The following RBFOX1 variants were observed in gnomAD, a reference collection of about 807,000 sequenced individuals.
The protein encoded by RBFOX1 is RNA binding protein fox-1 homolog 1.
RBFOX1 carries 8 observed loss-of-function variants against 57.7 expected under a neutral mutation model. That is an observed-to-expected ratio of 0.14 (90% CI 0.08 to 0.25). The LOEUF (loss-of-function observed/expected upper bound fraction) is 0.25. Among genes scored for constraint, RBFOX1 ranks in the 10% least tolerant of loss-of-function variants. The pLI is 1.00. For synonymous variants in RBFOX1, 326 were observed against 222.4 expected, an observed-to-expected ratio of 1.47 and a Z score of -4.15; for missense variants, 611 against 548.5, an observed-to-expected ratio of 1.11 and a Z score of -1.14.
chr16:5,459,920 G>A (rs558759721), intron 1 of RBFOX1, among the ~76,000 whole-genome samples: 9 of 151,990 alleles, frequency 5.9e-5, no homozygotes, highest in African/African-American at 1.9e-4. Flanking sequence ...CTGCCTCTCC[G>A]TGTCGCCACT....
chr16:5,925,804 C>G (rs984980997), intron 4 of RBFOX1, among the ~76,000 whole-genome samples: 3 of 152,192 alleles, frequency 2.0e-5, no homozygotes, highest in Non-Finnish European at 2.9e-5. Flanking sequence ...GAGGAGCTTT[C>G]TCTGCTCACA....
chr16:6,078,106 G>A lies in RBFOX1; in HGVS notation c.-127+58114G>A, dbSNP rs540040587. On this transcript the variant is annotated intron_variant, in intron 1 of 15. Coordinates refer to ENST00000550418, the MANE Select transcript of RBFOX1 (RefSeq NM_018723.4). ...TAATCTTTAGATTTCTCATCTTTCC[G>A]GGGAGGTTAAGAGTTGCTGTGTCCT... is the stretch of plus-strand genomic sequence containing the variant. 6.6e-5 allele frequency among the ~76,000 whole-genome samples: 10 copies of A among 152,208 alleles called. 1 individual carries two copies. The South Asian group carries it at 1.2e-3, about 19-fold the overall frequency.
intron 1 of RBFOX1, among the ~76,000 whole-genome samples, chr16:6,110,195 CTTTTT>C (rs3049169): frequency 7.8e-6 from 1 of 128,264 alleles, no homozygotes; most frequent in Non-Finnish European, 1.6e-5. Flanking sequence ...TTTTCTTCTT[CTTTTT>C]TTTTTTTTTT....
At chr16:7,206,243 C>G (rs1293225418) in intron 4 of RBFOX1, among the ~76,000 whole-genome samples, 1 of 152,052 alleles carries the variant, frequency 6.6e-6, no homozygotes, top group African/African-American at 2.4e-5. Context: ...ACAGTAACAT[C>G]TTAGTCTTTT....
At chr16:7,005,361 C>T (rs1005743690) in intron 3 of RBFOX1, among the ~76,000 whole-genome samples, 4 of 151,994 alleles carry the variant, frequency 2.6e-5, no homozygotes, top group African/African-American at 9.7e-5. Flanking sequence ...ACTAAGTTGA[C>T]TTATAGAATA....
chr16:6,645,736 A>T (rs563336607), intron 2 of RBFOX1, among the ~76,000 whole-genome samples: 7 of 152,306 alleles, frequency 4.6e-5, no homozygotes, highest in Admixed American at 3.9e-4. Flanking sequence ...CTGTTGGAAG[A>T]TGTCATCAAG....
chr16:6,693,497 A>G lies in RBFOX1; in HGVS notation c.-16+38847A>G, dbSNP rs537146754. 4.6e-5 allele frequency among the ~76,000 whole-genome samples: 7 copies of G among 151,502 alleles called. No individual in the cohort carries two copies. In the East Asian group the frequency reaches 1.2e-3, roughly 25 times the overall value. ...ATCCTCCTCCACTACCATCACCACCATCATCATCATCCTCATCCACTAACA... is the reference window on the plus strand; with the variant it reads ...ATCCTCCTCCACTACCATCACCACCGTCATCATCATCCTCATCCACTAACA... On this transcript the variant is annotated intron_variant, in intron 3 of 15. Coordinates refer to ENST00000550418, the MANE Select transcript of RBFOX1 (RefSeq NM_018723.4).
At chr16:5,966,966 C>T (rs903992603) in intron 4 of RBFOX1, among the ~76,000 whole-genome samples, 2 of 118,386 alleles carry the variant, frequency 1.7e-5, no homozygotes, top group African/African-American at 3.4e-5. Context: ...AAATGACCTA[C>T]TTAATTGTCT....
At chr16:7,353,440 C>T (rs1054719289) in intron 4 of RBFOX1, among the ~76,000 whole-genome samples, 1 of 152,118 alleles carries the variant, frequency 6.6e-6, no homozygotes, top group Non-Finnish European at 1.5e-5. Context: ...TATTATGACC[C>T]AGCAATTCTG....
intron 3 of RBFOX1, among the ~76,000 whole-genome samples, chr16:5,815,930 A>C (rs1240719553): frequency 6.6e-6 from 1 of 152,132 alleles, no homozygotes; most frequent in Non-Finnish European, 1.5e-5. Context: ...TGGATTTTGC[A>C]TGGGTATTAC....
intron 2 of RBFOX1, among the ~76,000 whole-genome samples, chr16:6,389,214 G>A (rs760977379): frequency 6.6e-6 from 1 of 152,120 alleles, no homozygotes; most frequent in South Asian, 2.1e-4. Context: ...CTCCTTCATA[G>A]AGCCCATTTT....
intron 3 of RBFOX1, among the ~76,000 whole-genome samples, chr16:6,675,009 C>T (rs1249853167): frequency 6.6e-6 from 1 of 151,992 alleles, no homozygotes; most frequent in East Asian, 1.9e-4. Context: ...AGGTTCAAGC[C>T]ATTCTCGTGC....
intron 3 of RBFOX1, among the ~76,000 whole-genome samples, chr16:5,791,719 A>G (rs1597271145): frequency 6.6e-6 from 1 of 152,234 alleles, no homozygotes; most frequent in African/African-American, 2.4e-5. Flanking sequence ...ATTAGCACAC[A>G]CACACAAAAA....
At chr16:7,188,772 C>A (rs1029131789) in intron 4 of RBFOX1, among the ~76,000 whole-genome samples, 1 of 152,086 alleles carries the variant, frequency 6.6e-6, no homozygotes, top group Admixed American at 6.6e-5. Context: ...AAAGTAAGAC[C>A]GCAAGAGCTG....
chr16:7,453,273 T>G (rs2150277356), intron 4 of RBFOX1, among the ~76,000 whole-genome samples: 1 of 152,098 alleles, frequency 6.6e-6, no homozygotes, highest in South Asian at 2.1e-4. Context: ...CATTCCAGGC[T>G]GTGGGATTGG....
intron 3 of RBFOX1, among the ~76,000 whole-genome samples, chr16:6,806,259 G>C (rs1298942182): frequency 6.6e-6 from 1 of 152,088 alleles, no homozygotes; most frequent in Admixed American, 6.6e-5. Flanking sequence ...TTTTTATGAA[G>C]TACTTTTCCT....
chr16:5,529,389 C>CTTTTT (rs56820577), intron 2 of RBFOX1, among the ~76,000 whole-genome samples: 3 of 130,930 alleles, frequency 2.3e-5, no homozygotes. Context: ...TGGCCAGTGT[C>CTTTTT]TTTTTTTTTT....
intron 4 of RBFOX1, among the ~76,000 whole-genome samples, chr16:7,510,516 C>T (rs879333668): frequency 0.053 from 6,992 of 132,294 alleles, 231 homozygotes; most frequent in East Asian, 0.12. Context: ...TGTGTGGGCG[C>T]GCGCGCACGC....
chr16:5,305,573 A>G (rs979086483), intron 1 of RBFOX1, among the ~76,000 whole-genome samples: 14 of 152,302 alleles, frequency 9.2e-5, no homozygotes, highest in Middle Eastern at 3.4e-3. Flanking sequence ...ATTTTATCTA[A>G]TCTTCTCCAT....
Sources: gnomAD v4.1 joint callset for allele counts (sites outside exome capture counted in the v4.1 genomes callset) on GRCh38, gnomAD v4.1.1 for gene constraint, MANE v1.5 for transcripts, NCBI Gene and HGNC (gene_info 2026-07-23, HGNC 2026-07-21) for gene names.